NBEA: variants seen among roughly 807,000 people sequenced by gnomAD.
NBEA encodes neurobeachin.
A neutral mutation model predicts 343.4 loss-of-function variants in NBEA; 44 were observed. The ratio of observed to expected loss-of-function variants is 0.13; its 90% confidence interval spans 0.10 to 0.16. NBEA has a LOEUF of 0.16. NBEA is among the 10% of genes least tolerant of loss of function. The pLI, the probability that NBEA is intolerant of heterozygous loss-of-function variation, is 1.00. For missense variants in NBEA, 2,555 were observed against 3,631.3 expected (o/e 0.70, Z 7.62); for synonymous variants, 1,175 against 1,238.7 (o/e 0.95, Z 1.08).
At chr13:35,527,640 A>T (rs1457126165) in intron 41 of NBEA, among the ~76,000 whole-genome samples, 4 of 152,210 alleles carry the variant, frequency 2.6e-5, no homozygotes, top group Non-Finnish European at 5.9e-5. Context: ...GCTCAGCCAC[A>T]GCCTTGTACT....
At chr13:35,054,076 T>G (rs1235005564) in intron 6 of NBEA, among the ~76,000 whole-genome samples, 1 of 152,114 alleles carries the variant, frequency 6.6e-6, no homozygotes, top group Admixed American at 6.6e-5. Flanking sequence ...CACCAATAAG[T>G]ATAATAATAC....
chr13:35,350,782 C>T (rs2040158259), intron 37 of NBEA, among the ~76,000 whole-genome samples: 1 of 146,214 alleles, frequency 6.8e-6, no homozygotes, highest in Non-Finnish European at 1.5e-5. Context: ...GTAGTTTACA[C>T]AAAGATATCC....
At chr13:34,988,632 A>G (rs1566128112) in intron 1 of NBEA, among the ~76,000 whole-genome samples, 1 of 150,858 alleles carries the variant, frequency 6.6e-6, no homozygotes. Context: ...CTGTTGTGCC[A>G]TTTGCTGCGG....
intron 56 of NBEA, among the ~76,000 whole-genome samples, chr13:35,665,683 A>G (rs1034020445): frequency 1.3e-5 from 2 of 152,030 alleles, no homozygotes; most frequent in African/African-American, 4.8e-5. Context: ...CTGGGGTGCA[A>G]TGGTGCAATC....
intron 48 of NBEA, among the ~76,000 whole-genome samples, chr13:35,610,113 C>G (rs2082441405): frequency 6.6e-6 from 1 of 152,170 alleles, no homozygotes. Flanking sequence ...TTGTCTTCCT[C>G]TCTGCTCATA....
chr13:35,318,437 C>A (rs2037898209), intron 36 of NBEA, among the ~76,000 whole-genome samples: 1 of 152,156 alleles, frequency 6.6e-6, no homozygotes, highest in African/African-American at 2.4e-5. Flanking sequence ...GGCGTTGCAT[C>A]CCAGAGATGA....
At chr13:35,176,934 G>A in intron 27 of NBEA, 62 bp from the exon 28 acceptor site, 1 of 1,120,354 alleles carries the variant, frequency 8.9e-7, no homozygotes. Context: ...GAATTAAGAA[G>A]TGATACTTCT....
intron 1 of NBEA, among the ~76,000 whole-genome samples, chr13:34,964,696 T>G (rs2059765115): frequency 6.6e-6 from 1 of 151,928 alleles, no homozygotes; most frequent in African/African-American, 2.4e-5. Flanking sequence ...CTATTTGTGT[T>G]TTGCTAAGTG....
chr13:35,211,738 G>T (rs1189279968), intron 33 of NBEA, among the ~76,000 whole-genome samples: 1 of 152,086 alleles, frequency 6.6e-6, no homozygotes, highest in African/African-American at 2.4e-5. Flanking sequence ...AGAATCACTT[G>T]AACCCGGGAG....
intron 38 of NBEA, among the ~76,000 whole-genome samples, chr13:35,391,660 A>G (rs1327196343): frequency 7.3e-5 from 11 of 151,680 alleles, no homozygotes; most frequent in Admixed American, 5.9e-4. Context: ...AAGTATGTGT[A>G]TATAAATAAA....
chr13:35,289,565 A>G (rs2035664355), intron 34 of NBEA, among the ~76,000 whole-genome samples: 1 of 151,878 alleles, frequency 6.6e-6, no homozygotes, highest in Admixed American at 6.6e-5. Flanking sequence ...AAATCTTGAT[A>G]ACTTCATCAA....
At chr13:35,066,212 CAGCCTCCCAA>C (rs2063647048) in intron 8 of NBEA, among the ~76,000 whole-genome samples, 1 of 152,126 alleles carries the variant, frequency 6.6e-6, no homozygotes, top group Non-Finnish European at 1.5e-5. Context: ...CCTCCTACCT[CAGCCTCCCAA>C]AGTGTTGTGA....
chr13:35,088,757 T>C (rs1349436870), intron 10 of NBEA, among the ~76,000 whole-genome samples: 1 of 151,046 alleles, frequency 6.6e-6, no homozygotes, highest in Non-Finnish European at 1.5e-5. Flanking sequence ...TAACGCTGCA[T>C]ATCTACAACT....
chr13:35,097,226 T>C (rs1333129737), intron 10 of NBEA, among the ~76,000 whole-genome samples: 6 of 151,858 alleles, frequency 4.0e-5, no homozygotes, highest in Non-Finnish European at 5.9e-5. Context: ...ATTCAAAAAT[T>C]AGAATAACTT....
intron 17 of NBEA, among the ~76,000 whole-genome samples, chr13:35,134,296 G>T (rs2067595293): frequency 6.6e-6 from 1 of 151,422 alleles, no homozygotes; most frequent in African/African-American, 2.4e-5. Flanking sequence ...ATAAAACTTG[G>T]CTCAACAGAT....
At chr13:34,949,005 T>C (rs1234535588) in intron 1 of NBEA, among the ~76,000 whole-genome samples, 3 of 152,134 alleles carry the variant, frequency 2.0e-5, no homozygotes, top group Non-Finnish European at 2.9e-5. Flanking sequence ...TTTTACCCCG[T>C]GCTAAAGTTG....
chr13:35,460,215 T>G (rs549196034), intron 40 of NBEA, among the ~76,000 whole-genome samples: 1 of 152,326 alleles, frequency 6.6e-6, no homozygotes, highest in African/African-American at 2.4e-5. Context: ...TAAGGGAAAT[T>G]TAATCCATAT....
At chr13:35,615,020 T>A (rs944019546) in intron 48 of NBEA, among the ~76,000 whole-genome samples, 1 of 151,450 alleles carries the variant, frequency 6.6e-6, no homozygotes, top group Admixed American at 6.6e-5. Context: ...ATCATTGTTT[T>A]AATCCTTAAA....
At chr13:35,414,885 A>G (rs9544291) in intron 38 of NBEA, among the ~76,000 whole-genome samples, 149,241 of 152,184 alleles carry the variant, frequency 0.98, 73,237 homozygotes, top group East Asian at 1. Flanking sequence ...CATCCTCTCC[A>G]GCACCTGTTG....
Sources: gnomAD v4.1 joint callset for allele counts (sites outside exome capture counted in the v4.1 genomes callset) on GRCh38, gnomAD v4.1.1 for gene constraint, MANE v1.5 for transcripts, NCBI Gene and HGNC (gene_info 2026-07-23, HGNC 2026-07-21) for gene names.